The following PDGFRB variants were observed in gnomAD, a reference collection of about 807,000 sequenced individuals.
PDGFRB encodes the protein platelet-derived growth factor receptor beta.
Under a neutral mutation model 120.2 loss-of-function variants are expected in PDGFRB, and 42 were observed. That is an observed-to-expected ratio of 0.35 (90% confidence interval 0.27 to 0.45). The LOEUF is 0.45. PDGFRB is among the 20% of genes least tolerant of loss of function. The pLI, the probability that PDGFRB is intolerant of heterozygous loss-of-function variation, is 1.00. For synonymous variants in PDGFRB, 586 were observed against 606.8 expected (o/e 0.97, Z 0.50); for missense variants, 1,149 against 1,476.3 (o/e 0.78, Z 3.63).
chr5:150,115,095 C>T lies in PDGFRB; in HGVS notation c.*668G>A, dbSNP rs1274712699. 3.0e-5 allele frequency: 7 copies of T among 233,038 alleles called. No homozygotes were observed. Among genetic ancestry groups the T allele is most frequent in the African/African-American group, 1.5e-4 (7 of 45,320 alleles). The allele number at this position is 233,038 out of a possible 1,614,324, so 14.4% of individuals were successfully genotyped here. A position where few individuals can be genotyped will look rare whatever the true frequency, so the allele number is the denominator to read the frequency against. ...CTGCGTGTGCTCCAAGTGCCCTGGGCAAGGGCTGCAGGCTGGGGGTGTCCT... is the reference window on the plus strand; with the variant it reads ...CTGCGTGTGCTCCAAGTGCCCTGGGTAAGGGCTGCAGGCTGGGGGTGTCCT... On this transcript the variant is annotated 3_prime_UTR_variant, in exon 23 of 23. Coordinates refer to ENST00000261799, the MANE Select transcript of PDGFRB (RefSeq NM_002609.4).
At chr5:150,136,186 GC>G (rs1313654182) in intron 2 of PDGFRB, among the ~76,000 whole-genome samples, 7 of 152,196 alleles carry the variant, frequency 4.6e-5, no homozygotes, top group African/African-American at 1.7e-4. Context: ...CAATTCCCTG[GC>G]CTCCAGTTCC....
chr5:150,152,187 G>A (rs1761097435), intron 1 of PDGFRB, among the ~76,000 whole-genome samples: 1 of 152,102 alleles, frequency 6.6e-6, no homozygotes. Context: ...GATTACATGT[G>A]TGAGCCACCG....
intron 11 of PDGFRB, 107 bp from the exon 12 acceptor site, chr5:150,125,684 A>G: frequency 9.5e-7 from 1 of 1,054,652 alleles, no homozygotes; most frequent in Non-Finnish European, 1.4e-6. Flanking sequence ...TGAGGCCCAG[A>G]GAGGGGCAGG....
Position 150,135,870 on chromosome 5 carries a change from G to A in PDGFRB, c.49C>T (p.Leu17=). The A allele has an allele frequency of 1.3e-6, 2 of 1,524,010 alleles. No individual in the cohort carries two copies. Among genetic ancestry groups the A allele is most frequent in the South Asian group, 2.6e-5 (2 of 75,578 alleles). The allele number at this position is 1,524,010 out of a possible 1,614,324, so 94.4% of individuals were successfully genotyped here. ...MPALALKGEL[L]LLSLLLLLEP... Reference sequence around the variant, plus strand: ...AGAAGTAACAGGAGAGACAGCAACAGCAGCTCGCCTTTGGGAGAGGAGGTA... The same window carrying A: ...AGAAGTAACAGGAGAGACAGCAACAACAGCTCGCCTTTGGGAGAGGAGGTA... The change falls in exon 3 of 23, where the codon CTG becomes TTG. Residue 17 remains leucine, a synonymous_variant. Transcript: ENST00000261799.
chr5:150,135,626 T>C lies in PDGFRB; in HGVS notation c.293A>G (p.Tyr98Cys). The change falls in exon 3 of 23, where the codon TAC becomes TGC. Residue 98 changes from tyrosine to cysteine, a missense_variant. Coordinates refer to ENST00000261799, the MANE Select transcript of PDGFRB (RefSeq NM_002609.4). ...TNLTGLDTGE[Y>C]FCTHNDSRGL... ...ACGGGAGTCATTGTGGGTGCAAAAG[T>C]ATTCTCCCGTGTCTAGCCCAGTGAG... 5 of 1,613,892 alleles carry C rather than the reference T, an allele frequency of 3.1e-6. No individual in the cohort carries two copies. Among genetic ancestry groups the C allele is most frequent in the East Asian group, 2.2e-5 (1 of 44,892 alleles).
Position 150,155,702 on chromosome 5 carries a change from G to GGCAGGGCGAGCACAGGCTGCTGCTGGGCA in PDGFRB, c.-341_-313dup. 7.5e-6 allele frequency: 3 copies of GGCAGGGCGAGCACAGGCTGCTGCTGGGCA among 398,632 alleles called. No individual in the cohort carries two copies. The highest frequency in any genetic ancestry group is 8.8e-6 in the Non-Finnish European group (2 of 226,128). The allele number at this position is 398,632 out of a possible 1,614,324, so 24.7% of individuals were successfully genotyped here. A position where few individuals can be genotyped will look rare whatever the true frequency, so the allele number is the denominator to read the frequency against. The stretch of plus-strand genomic sequence containing the variant: ...GCCCTGGGTCTGGCTGTCTGCGTTG[G>GGCAGGGCGAGCACAGGCTGCTGCTGGGCA]GCAGGGCGAGCACAGGCTGCTGCTG... On this transcript the variant is annotated 5_prime_UTR_variant, in exon 1 of 23. Transcript: ENST00000261799.
intron 13 of PDGFRB, 125 bp from the exon 14 acceptor site, chr5:150,124,485 GTGAGC>G: frequency 1.4e-6 from 1 of 710,848 alleles, no homozygotes; most frequent in Non-Finnish European, 2.4e-6. Context: ...CCTGGCGGGG[GTGAGC>G]ACCCACACTC....
chr5:150,120,808 G>A lies in PDGFRB; in HGVS notation c.2586+80C>T. 7.3e-7 allele frequency: 1 copy of A among 1,366,728 alleles called. No individual in the cohort carries two copies. Among genetic ancestry groups the A allele is most frequent in the Non-Finnish European group, 1.0e-6 (1 of 967,160 alleles). The allele number at this position is 1,366,728 out of a possible 1,614,324, so 84.7% of individuals were successfully genotyped here. A position where few individuals can be genotyped will look rare whatever the true frequency, so the allele number is the denominator to read the frequency against. On this transcript the variant is annotated intron_variant, in intron 18 of 22. Transcript: ENST00000261799. This position sits in a 1 kb window ranked among gnomAD's most constrained non-coding sequence, Gnocchi z 4.3. ...CCACACAGATTTCCTATGAGCTGCA[G>A]CCACACTGGTCAGGAGGGAATCTGT... is the stretch of plus-strand genomic sequence containing the variant.
chr5:150,120,245 G>A lies in PDGFRB; in HGVS notation c.2587-122C>T. 1 of 656,560 alleles carries A rather than the reference G, an allele frequency of 1.5e-6. No individual in the cohort carries two copies. The highest frequency in any genetic ancestry group is 2.7e-5 in the East Asian group (1 of 36,970). 40.7% of individuals were successfully genotyped at this position (656,560 alleles called of 1,614,324 possible). A position where few individuals can be genotyped will look rare whatever the true frequency, so the allele number is the denominator to read the frequency against. On this transcript the variant is annotated intron_variant, in intron 18 of 22. Coordinates refer to ENST00000261799, the MANE Select transcript of PDGFRB (RefSeq NM_002609.4). The surrounding 1 kb of genome is among the most constrained non-coding windows in gnomAD (Gnocchi z 4.3). ...CAACCACTTCTCCGTCCCATTCCCT[G>A]TGAGGGCCCTGGTCTCTGCGCAGCA...
intron 10 of PDGFRB, among the ~76,000 whole-genome samples, chr5:150,128,663 A>G (rs1451231257): frequency 1.3e-5 from 2 of 152,194 alleles, no homozygotes; most frequent in Non-Finnish European, 2.9e-5. Context: ...ATTCCTTACC[A>G]GGCTAACTTC....
At chr5:150,131,892 A>G in intron 8 of PDGFRB, 87 bp downstream of exon 8, 1 of 692,468 alleles carries the variant, frequency 1.4e-6, no homozygotes, top group Non-Finnish European at 2.6e-6. Flanking sequence ...CACTCCTCCC[A>G]TGGGTGGGTG....
chr5:150,117,721 C>G lies in PDGFRB; in HGVS notation c.3034G>C (p.Val1012Leu). The change falls in exon 22 of 23, where the codon GTG (valine) becomes CTG (leucine). Residue 1012 changes from valine (V) to leucine (L), a missense_variant. Val to Leu is a conservative substitution (Grantham distance 32). Transcript: ENST00000261799. ...TCGTTGTCACCCTCATTGGGCTGCACGGCAGTATAGAGGACGGAGCTGGTG... is the reference window on the plus strand; with the variant it reads ...TCGTTGTCACCCTCATTGGGCTGCAGGGCAGTATAGAGGACGGAGCTGGTG... ...LDTSSVLYTA[V>L]QPNEGDNDYI... is the part of the protein sequence containing the mutation. The G allele has an allele frequency of 1.9e-6, 3 of 1,613,446 alleles. No homozygotes were observed. Among genetic ancestry groups the G allele is most frequent in the Non-Finnish European group, 2.5e-6 (3 of 1,179,476 alleles).
chr5:150,121,783 C>T lies in PDGFRB; in HGVS notation c.2344+97G>A, dbSNP rs114708106. 2.0e-4 allele frequency: 188 copies of T among 953,600 alleles called. No homozygotes were observed. The African/African-American group carries it at 2.1e-3, about 11-fold the overall frequency. 59.1% of individuals were successfully genotyped at this position (953,600 alleles called of 1,614,324 possible). ...AATTTCTACATCTATGAAATGGGCA[C>T]GAGGCTCCCTTCTTCTCAGGGTTTT... On this transcript the variant is annotated intron_variant, in intron 16 of 22. Coordinates refer to ENST00000261799, the MANE Select transcript of PDGFRB (RefSeq NM_002609.4). This position sits in a 1 kb window ranked among gnomAD's most constrained non-coding sequence, Gnocchi z 4.1.
chr5:150,137,041 G>A lies in PDGFRB; in HGVS notation c.7C>T (p.Leu3Phe), dbSNP rs757231368. ...GCCAGAGCTGGCATCGCACCCGGAA[G>A]CCGCATGGTGTCCTGCAGAGTTAAA... MRLPGAMPALALK... is the reference protein window; with the variant it reads MRFPGAMPALALK... Residue 3 changes from leucine (L) to phenylalanine (F), a missense_variant, in exon 2 of 23, where the codon CTT becomes TTT. Leu to Phe is a conservative substitution (Grantham distance 22). Coordinates refer to ENST00000261799, the MANE Select transcript of PDGFRB (RefSeq NM_002609.4). The A allele has an allele frequency of 1.9e-6, 3 of 1,613,582 alleles. No individual in the cohort carries two copies. Among genetic ancestry groups the A allele is most frequent in the African/African-American group, 1.3e-5 (1 of 74,928 alleles).
rs775520030 is a variant in PDGFRB at position 150,115,897 on chromosome 5, G to A, written c.3187C>T (p.Pro1063Ser). ...NTSSTISCDS[P>S]LEPQDEPEPE... ...TCTGGTTCGTCCTGGGGCTCCAGGGGGCTGTCACAGGAGATGGTTGAGGAG... is the reference window on the plus strand; with the variant it reads ...TCTGGTTCGTCCTGGGGCTCCAGGGAGCTGTCACAGGAGATGGTTGAGGAG... Residue 1063 changes from proline (P) to serine (S), a missense_variant, in exon 23 of 23, where the codon CCC (proline) becomes TCC (serine). Physicochemically the swap from Pro to Ser is moderately conservative, Grantham distance 74. Around this residue, in one of 3 missense-constraint regions of PDGFRB, gnomAD observed 202 missense variants for 214.3 expected, o/e 0.94. Transcript: ENST00000261799. 5 of 1,603,782 alleles carry A rather than the reference G, an allele frequency of 3.1e-6. No individual in the cohort carries two copies. Among genetic ancestry groups the A allele is most frequent in the Non-Finnish European group, 2.6e-6 (3 of 1,174,266 alleles).
At chr5:150,134,200 A>T (rs1395584846) in intron 4 of PDGFRB, 192 bp from the exon 5 acceptor site, 1 of 602,530 alleles carries the variant, frequency 1.7e-6, no homozygotes, top group Non-Finnish European at 2.9e-6. Context: ...AGTAGTGAAC[A>T]AAGTGGACAA....
At chr5:150,146,729 T>C (rs1227144375) in intron 1 of PDGFRB, among the ~76,000 whole-genome samples, 1 of 152,176 alleles carries the variant, frequency 6.6e-6, no homozygotes, top group Non-Finnish European at 1.5e-5. Flanking sequence ...TGCCAAAACC[T>C]GAATTCTTGC....
At chr5:150,142,590 C>T (rs1486573121) in intron 1 of PDGFRB, among the ~76,000 whole-genome samples, 1 of 150,058 alleles carries the variant, frequency 6.7e-6, no homozygotes. Flanking sequence ...GAAGACCTGG[C>T]TCTAGTCCCG....
At chr5:150,133,024 G>C (rs1292184801) in intron 6 of PDGFRB, 82 bp from the exon 7 acceptor site, 4 of 983,688 alleles carry the variant, frequency 4.1e-6, no homozygotes. Context: ...TGTGGGGTGG[G>C]GCTTCAGGCC....
Sources: gnomAD v4.1 joint callset for allele counts (sites outside exome capture counted in the v4.1 genomes callset) on GRCh38, gnomAD v4.1.1 for gene constraint, gnomAD v4.1.1 regional missense constraint, Gnocchi (gnomAD v3.1) non-coding constraint, MANE v1.5 for transcripts, NCBI Gene and HGNC (gene_info 2026-07-23, HGNC 2026-07-21) for gene names.